Variants in FGGY observed in about 807,000 individuals in gnomAD.
FGGY encodes FGGY carbohydrate kinase domain-containing protein.
FGGY carries 72 observed loss-of-function variants against 71.3 expected under a neutral mutation model. The ratio of observed to expected loss-of-function variants is 1.01; its 90% CI spans 0.84 to 1.23. The LOEUF (loss-of-function observed/expected upper bound fraction) is 1.23, where lower values mean the gene tolerates loss of function less well. Ranked by LOEUF, FGGY falls within the 50% of genes most tolerant of loss-of-function variation. The probability of loss-of-function intolerance (pLI) is 0.00; values close to 1 mark genes in which losing one functional copy is unlikely to be tolerated. For synonymous variants in FGGY, 251 were observed against 250.3 expected (o/e 1.00, Z -0.02); for missense variants, 668 against 682.3 (o/e 0.98, Z 0.23).
chr1:59,622,036 A>C (rs543238970), intron 9 of FGGY, among the ~76,000 whole-genome samples: 1 of 151,250 alleles, frequency 6.6e-6, no homozygotes, highest in East Asian at 2.0e-4. Flanking sequence ...CTCTCTCTCT[A>C]AGTCTCCCAG....
intron 5 of FGGY, 81 bp downstream of exon 5, chr1:59,378,918 T>C: frequency 8.6e-7 from 1 of 1,163,168 alleles, no homozygotes; most frequent in African/African-American, 1.5e-5. Flanking sequence ...TTAACTCTCT[T>C]TGACTGGATA....
intron 8 of FGGY, among the ~76,000 whole-genome samples, chr1:59,597,595 T>C (rs1437743347): frequency 6.6e-6 from 1 of 152,212 alleles, no homozygotes; most frequent in African/African-American, 2.4e-5. Flanking sequence ...TAACACAGGC[T>C]ACATTTCTCT....
At chr1:59,405,732 G>A (rs532739177) in intron 5 of FGGY, among the ~76,000 whole-genome samples, 1 of 152,186 alleles carries the variant, frequency 6.6e-6, no homozygotes, top group Admixed American at 6.5e-5. Context: ...CCCCCCAGTC[G>A]ACCTTAGTCA....
At chr1:59,389,261 A>G (rs1187637127) in intron 5 of FGGY, among the ~76,000 whole-genome samples, 1 of 152,128 alleles carries the variant, frequency 6.6e-6, no homozygotes, top group African/African-American at 2.4e-5. Flanking sequence ...ACTCTAATCT[A>G]CTTTATGTCT....
chr1:59,663,000 T>TC (rs1175231467), intron 12 of FGGY, among the ~76,000 whole-genome samples: 2 of 151,532 alleles, frequency 1.3e-5, no homozygotes, highest in Non-Finnish European at 2.9e-5. Flanking sequence ...GGTGTGATAT[T>TC]CCCCCTTTTG....
intron 8 of FGGY, among the ~76,000 whole-genome samples, chr1:59,600,226 G>T (rs1228473122): frequency 6.6e-6 from 1 of 152,272 alleles, no homozygotes; most frequent in Middle Eastern, 3.4e-3. Context: ...ATTTGACAGA[G>T]CACCGTGACC....
chr1:59,546,598 C>G (rs6699499), intron 7 of FGGY, among the ~76,000 whole-genome samples: 4 of 151,880 alleles, frequency 2.6e-5, no homozygotes, highest in Admixed American at 1.3e-4. Flanking sequence ...GGCGCGATCT[C>G]GGCTCACTGC....
At chr1:59,408,485 T>C (rs1014044924) in intron 5 of FGGY, among the ~76,000 whole-genome samples, 9 of 152,314 alleles carry the variant, frequency 5.9e-5, no homozygotes, top group Non-Finnish European at 1.2e-4. Context: ...CAAAGGCTTA[T>C]CTTAGCTATT....
chr1:59,743,320 C>T (rs1462319899), intron 14 of FGGY, among the ~76,000 whole-genome samples: 4 of 152,194 alleles, frequency 2.6e-5, no homozygotes, highest in Non-Finnish European at 4.4e-5. Flanking sequence ...CTCTTCCTGT[C>T]TCCCATGATC....
At chr1:59,380,505 A>G (rs905378936) in intron 5 of FGGY, among the ~76,000 whole-genome samples, 14 of 151,612 alleles carry the variant, frequency 9.2e-5, no homozygotes, top group South Asian at 4.2e-4. Flanking sequence ...GTGTGAGATG[A>G]TATCTCATTG....
intron 11 of FGGY, among the ~76,000 whole-genome samples, chr1:59,653,173 A>G (rs1180317846): frequency 5.3e-5 from 8 of 152,198 alleles, no homozygotes; most frequent in South Asian, 2.1e-4. Flanking sequence ...AGACAGGGAC[A>G]TTTAAGTCTG....
chr1:59,417,472 A>C (rs190442062), intron 5 of FGGY, among the ~76,000 whole-genome samples: 94 of 152,320 alleles, frequency 6.2e-4, no homozygotes, highest in African/African-American at 1.9e-3. Context: ...AAGGAGTGGA[A>C]TTGTTGGGTT....
At chr1:59,722,209 A>G (rs1162352617) in intron 14 of FGGY, among the ~76,000 whole-genome samples, 5 of 151,224 alleles carry the variant, frequency 3.3e-5, no homozygotes, top group African/African-American at 1.2e-4. Context: ...CTTTTGGGAG[A>G]AAACAGAAGA....
chr1:59,608,042 T>G (rs1289031370), intron 9 of FGGY, 132 bp downstream of exon 9: 1 of 662,666 alleles, frequency 1.5e-6, no homozygotes, highest in Non-Finnish European at 2.6e-6. Flanking sequence ...TTTCTCTTAG[T>G]GCACAGCCTA....
chr1:59,492,139 T>C (rs1331283926), intron 6 of FGGY, among the ~76,000 whole-genome samples: 1 of 152,172 alleles, frequency 6.6e-6, no homozygotes. Flanking sequence ...TTTATGTACT[T>C]ATTGTCTGGT....
intron 5 of FGGY, among the ~76,000 whole-genome samples, chr1:59,421,873 T>C (rs1454146485): frequency 6.6e-6 from 1 of 152,142 alleles, no homozygotes; most frequent in Non-Finnish European, 1.5e-5. Context: ...ATGATGAGAA[T>C]GTGAAGGATT....
rs182348014 is a variant in FGGY, at chr1:59,441,358, G to T, written c.555-15603G>T. On this transcript the variant is annotated intron_variant, in intron 5 of 15. Coordinates refer to ENST00000303721, the MANE Select transcript of FGGY (RefSeq NM_018291.5). ...TTTGCAAATTCAAGATAAGAACCAA[G>T]AATTTGATTCTTAACTCAATTTTAT... Among the ~76,000 whole-genome samples, 101 of 152,228 alleles carry T rather than the reference G, an allele frequency of 6.6e-4. 1 individual carries two copies. Among genetic ancestry groups the T allele is most frequent in the African/African-American group, 2.4e-3 (99 of 41,552 alleles).
chr1:59,446,612 C>A (rs2071303610), intron 5 of FGGY, among the ~76,000 whole-genome samples: 1 of 152,144 alleles, frequency 6.6e-6, no homozygotes, highest in Non-Finnish European at 1.5e-5. Context: ...TTTTATCTCC[C>A]AATGAGCTGT....
intron 5 of FGGY, among the ~76,000 whole-genome samples, chr1:59,412,322 C>G (rs972865061): frequency 5.7e-5 from 6 of 106,176 alleles, no homozygotes; most frequent in African/African-American, 1.6e-4. Context: ...TTCTCTCTAT[C>G]GTGGATGGTT....
Sources: allele counts gnomAD v4.1 joint callset (sites outside exome capture counted in the v4.1 genomes callset), GRCh38; gene constraint gnomAD v4.1.1; transcripts MANE v1.5; gene names NCBI Gene and HGNC (gene_info 2026-07-23, HGNC 2026-07-21).